Variants in PLA2G7 observed in about 807,000 individuals in gnomAD.
The protein encoded by PLA2G7 is phospholipase A2 group VII, also known as platelet-activating factor acetylhydrolase.
In PLA2G7, 63 loss-of-function variants were observed where a neutral mutation model predicts 49.6. The ratio of observed to expected loss-of-function variants is 1.27; its 90% CI spans 1.04 to 1.57. The LOEUF (loss-of-function observed/expected upper bound fraction) is 1.57, where lower values mean the gene tolerates loss of function less well. PLA2G7 is among the 40% of genes most tolerant of loss of function. The pLI, the probability that PLA2G7 is intolerant of heterozygous loss-of-function variation, is 0.00. For missense variants in PLA2G7, 596 were observed against 521.2 expected (o/e 1.14, Z -1.40); for synonymous variants, 193 against 169.9 (o/e 1.14, Z -1.06).
intron 10 of PLA2G7, among the ~76,000 whole-genome samples, chr6:46,707,375 G>A (rs767444505): frequency 1.6e-4 from 24 of 152,122 alleles, no homozygotes; most frequent in Non-Finnish European, 2.6e-4. Flanking sequence ...GATATAGTTT[G>A]GATCTGTGTC....
At chr6:46,729,609 G>A (rs559844912) in intron 1 of PLA2G7, among the ~76,000 whole-genome samples, 1 of 152,302 alleles carries the variant, frequency 6.6e-6, no homozygotes, top group Admixed American at 6.5e-5. Flanking sequence ...CACAAGGATA[G>A]GAAGTAGCTA....
rs45592434 is a variant in PLA2G7 at position 46,721,343 on chromosome 6, C to T, written c.109+1440G>A. 1.5e-3 allele frequency among the ~76,000 whole-genome samples: 235 copies of T among 152,146 alleles called. 1 individual carries two copies. The highest frequency in any genetic ancestry group is 5.2e-3 in the African/African-American group (214 of 41,510). On this transcript the variant is annotated intron_variant, in intron 2 of 11. Coordinates refer to ENST00000274793, the MANE Select transcript of PLA2G7 (RefSeq NM_005084.4). Reference sequence around the variant, plus strand: ...GATTACAGGCACGAGCCACCATGCCCGGCCTGCATTCATTTTTGAACATTT... The same window carrying T: ...GATTACAGGCACGAGCCACCATGCCTGGCCTGCATTCATTTTTGAACATTT...
intron 1 of PLA2G7, among the ~76,000 whole-genome samples, chr6:46,726,209 G>A (rs972421747): frequency 9.8e-5 from 15 of 152,300 alleles, no homozygotes; most frequent in East Asian, 3.9e-4. Flanking sequence ...AAGGAAGGCA[G>A]GAAAAGGTCA....
In PLA2G7 at chr6:46,714,494, G is replaced by GGCC; in HGVS notation, c.435_436insGGC (p.Pro145_Leu146insGly). The GGCC allele has an allele frequency of 6.2e-7, 1 of 1,612,556 alleles. No individual in the cohort carries two copies. On this transcript the variant is annotated inframe_insertion, in exon 5 of 12. Coordinates refer to ENST00000274793, the MANE Select transcript of PLA2G7 (RefSeq NM_005084.4). Reference sequence around the variant, plus strand: ...CCAAGACCATGAGAAAAAACAACAAGTGGATATTTTTCACCAGGCCTCAGA... The same window carrying GGCC: ...CCAAGACCATGAGAAAAAACAACAAGGCCTGGATATTTTTCACCAGGCCTCAGA...
chr6:46,707,578 G>A (rs1764868683), intron 10 of PLA2G7, among the ~76,000 whole-genome samples: 1 of 152,050 alleles, frequency 6.6e-6, no homozygotes, highest in South Asian at 2.1e-4. Context: ...CTCTTCCTCC[G>A]GCTCTGGCCA....
At chr6:46,719,527 G>C (rs577730342) in intron 2 of PLA2G7, among the ~76,000 whole-genome samples, 46 of 152,262 alleles carry the variant, frequency 3.0e-4, no homozygotes, top group African/African-American at 1.0e-3. Flanking sequence ...AGCAATCCAT[G>C]GTCAAATGGT....
At chr6:46,722,960 T>A (rs201171283) in intron 1 of PLA2G7, 35 bp from the exon 2 acceptor site, 2 of 889,146 alleles carry the variant, frequency 2.2e-6, no homozygotes, top group East Asian at 2.5e-5. Context: ...AAAAGAAGTA[T>A]GCAATGAAGA....
At chr6:46,727,385 A>G (rs1765607356) in intron 1 of PLA2G7, among the ~76,000 whole-genome samples, 1 of 152,190 alleles carries the variant, frequency 6.6e-6, no homozygotes, top group Non-Finnish European at 1.5e-5. Flanking sequence ...TCCTGGCAAG[A>G]GATTAGGGCA....
At chr6:46,708,735 C>G (rs1259161607) in intron 9 of PLA2G7, among the ~76,000 whole-genome samples, 1 of 152,084 alleles carries the variant, frequency 6.6e-6, no homozygotes, top group Non-Finnish European at 1.5e-5. Context: ...GAAGAGAATT[C>G]TTACACTGAA....
intron 1 of PLA2G7, among the ~76,000 whole-genome samples, chr6:46,726,282 C>T (rs963017255): frequency 2.0e-5 from 3 of 152,148 alleles, no homozygotes; most frequent in African/African-American, 7.2e-5. Context: ...ATATTATAAC[C>T]AAAGACTGTA....
At chr6:46,720,574 A>G (rs1238266550) in intron 2 of PLA2G7, among the ~76,000 whole-genome samples, 2 of 152,146 alleles carry the variant, frequency 1.3e-5, no homozygotes, top group East Asian at 3.9e-4. Context: ...TGACCCGGTT[A>G]TGGGCCTGGA....
chr6:46,705,441 C>T, intron 10 of PLA2G7, 140 bp from the exon 11 acceptor site: 2 of 693,834 alleles, frequency 2.9e-6, no homozygotes, highest in Non-Finnish European at 5.0e-6. Context: ...ATTTGATCTA[C>T]TTAGATGTGT....
intron 1 of PLA2G7, among the ~76,000 whole-genome samples, chr6:46,724,241 T>A (rs1765499262): frequency 6.6e-6 from 1 of 152,088 alleles, no homozygotes; most frequent in African/African-American, 2.4e-5. Flanking sequence ...CCTTGTATGT[T>A]ATTTGTTAGT....
intron 10 of PLA2G7, among the ~76,000 whole-genome samples, chr6:46,706,251 A>G (rs1252229491): frequency 6.6e-6 from 1 of 152,188 alleles, no homozygotes; most frequent in Non-Finnish European, 1.5e-5. Context: ...TAAGCAACCC[A>G]TCATTCTTTT....
intron 2 of PLA2G7, among the ~76,000 whole-genome samples, chr6:46,720,846 G>T (rs979411364): frequency 6.6e-6 from 1 of 152,112 alleles, no homozygotes; most frequent in Non-Finnish European, 1.5e-5. Flanking sequence ...ATACATGCTA[G>T]GACAATTACA....
intron 1 of PLA2G7, among the ~76,000 whole-genome samples, chr6:46,732,508 A>G (rs771563688): frequency 5.9e-5 from 9 of 152,078 alleles, no homozygotes; most frequent in South Asian, 4.1e-4. Context: ...GAGCATATCT[A>G]TCTTACTAAC....
At position 46,717,709 on chromosome 6, in the gene PLA2G7, C is replaced by CTTTTTTTTTTTTTT. The variant is rs760308042; in HGVS notation, c.110-614_110-613insAAAAAAAAAAAAAA. Reference sequence around the variant, plus strand: ...GGAGCCTCTATTTTCTTTCTTTTTTCTTTTTCTTTTTTTTTTTTTTTGAGA... The same window carrying CTTTTTTTTTTTTTT: ...GGAGCCTCTATTTTCTTTCTTTTTTCTTTTTTTTTTTTTTTTTTTCTTTTTTTTTTTTTTTGAGA... On this transcript the variant is annotated intron_variant, in intron 2 of 11. Transcript: ENST00000274793. Among the ~76,000 whole-genome samples the CTTTTTTTTTTTTTT allele has an allele frequency of 2.6e-5, 3 of 116,206 alleles. 1 individual carries two copies. The allele number at this position is 116,206 out of a possible 152,430, so 76.2% of individuals were successfully genotyped here. A position where few individuals can be genotyped will look rare whatever the true frequency, so the allele number is the denominator to read the frequency against.
intron 5 of PLA2G7, among the ~76,000 whole-genome samples, chr6:46,712,961 A>G (rs1194730473): frequency 6.6e-6 from 1 of 152,220 alleles, no homozygotes; most frequent in Non-Finnish European, 1.5e-5. Context: ...ATAAGTCACA[A>G]TATTTTTGCT....
chr6:46,731,070 C>A (rs45447296), intron 1 of PLA2G7, among the ~76,000 whole-genome samples: 2 of 152,252 alleles, frequency 1.3e-5, no homozygotes, highest in Non-Finnish European at 2.9e-5. Context: ...TGAGGAAGAG[C>A]TTTTTTTCCT....
Sources: allele counts gnomAD v4.1 joint callset (sites outside exome capture counted in the v4.1 genomes callset), GRCh38; gene constraint gnomAD v4.1.1; transcripts MANE v1.5; gene names NCBI Gene and HGNC (gene_info 2026-07-23, HGNC 2026-07-21).